FGD5: variants seen among roughly 807,000 people sequenced by gnomAD.
FGD5 encodes the protein FYVE, RhoGEF and PH domain containing 5.
A neutral mutation model predicts 133.4 loss-of-function variants in FGD5; 28 were observed. The ratio of observed to expected loss-of-function variants is 0.21; its 90% CI spans 0.16 to 0.29. The LOEUF is 0.29. FGD5 is among the 10% of genes least tolerant of loss of function. The pLI, the probability that FGD5 is intolerant of heterozygous loss-of-function variation, is 1.00. For synonymous variants in FGD5, 810 were observed against 776.5 expected (o/e 1.04, Z -0.72); for missense variants, 1,858 against 1,895.2 (o/e 0.98, Z 0.36).
chr3:14,866,494 C>A (rs1051773035), intron 2 of FGD5, among the ~76,000 whole-genome samples: 3 of 152,216 alleles, frequency 2.0e-5, no homozygotes, highest in African/African-American at 7.2e-5. Flanking sequence ...AGAGGTAGAG[C>A]AGCCTAGGGA....
chr3:14,924,239 C>A, intron 17 of FGD5, 101 bp downstream of exon 17: 1 of 1,550,378 alleles, frequency 6.5e-7, no homozygotes, highest in Non-Finnish European at 8.8e-7. Flanking sequence ...CCAGCCTGAC[C>A]AGTCTCTTCC....
At chr3:14,865,506 C>T (rs1026896476) in intron 2 of FGD5, among the ~76,000 whole-genome samples, 1 of 152,126 alleles carries the variant, frequency 6.6e-6, no homozygotes, top group Non-Finnish European at 1.5e-5. Flanking sequence ...CCCCTCAGTC[C>T]CTTCTCTCTC....
intron 2 of FGD5, among the ~76,000 whole-genome samples, chr3:14,868,223 AC>A (rs2125107734): frequency 6.6e-6 from 1 of 152,154 alleles, no homozygotes; most frequent in South Asian, 2.1e-4. Context: ...CAGGCTAAAT[AC>A]CAGCTCCCCC....
At chr3:14,889,083 A>C (rs1226167770) in intron 4 of FGD5, among the ~76,000 whole-genome samples, 2 of 152,204 alleles carry the variant, frequency 1.3e-5, no homozygotes, top group Non-Finnish European at 2.9e-5. Context: ...CTGCAGGGAC[A>C]TGGTCACCAG....
At chr3:14,865,655 A>G (rs2037480016) in intron 2 of FGD5, among the ~76,000 whole-genome samples, 1 of 152,144 alleles carries the variant, frequency 6.6e-6, no homozygotes, top group African/African-American at 2.4e-5. Flanking sequence ...ACTCCTTACA[A>G]CAACTTCAAA....
rs1216706042 is a variant in FGD5 at position 14,819,656 on chromosome 3, C to T, written c.585C>T (p.Leu195=). Residue 195 remains leucine (L), a synonymous_variant, in exon 1 of 20, where the codon CTC becomes CTT. Coordinates refer to ENST00000285046, the MANE Select transcript of FGD5 (RefSeq NM_152536.4). This position sits in a 1 kb window ranked among gnomAD's most constrained non-coding sequence, Gnocchi z 4.1. ...AGGGGGTCTTCCAGAGCGACCTCCTCCTGCCTCACATCCATGGAGAGGACC... is the reference window on the plus strand; with the variant it reads ...AGGGGGTCTTCCAGAGCGACCTCCTTCTGCCTCACATCCATGGAGAGGACC... The part of the protein sequence containing the change: ...AGEGVFQSDL[L]LPHIHGEDQE... 7.1e-6 allele frequency: 11 copies of T among 1,548,848 alleles called. No homozygotes were observed. The highest frequency in any genetic ancestry group is 8.7e-6 in the Non-Finnish European group (10 of 1,145,612).
chr3:14,907,774 T>G (rs755882329), intron 10 of FGD5, 63 bp downstream of exon 10: 5 of 1,531,586 alleles, frequency 3.3e-6, no homozygotes, highest in Non-Finnish European at 4.5e-6. Flanking sequence ...TAAGCCCCAT[T>G]GTTCACTGGG....
intron 9 of FGD5, among the ~76,000 whole-genome samples, chr3:14,904,771 C>G (rs2038307692): frequency 6.6e-6 from 1 of 152,136 alleles, no homozygotes; most frequent in South Asian, 2.1e-4. Flanking sequence ...TGCATATACC[C>G]ATATCTGTAG....
chr3:14,829,199 C>T (rs1001072418), intron 1 of FGD5, among the ~76,000 whole-genome samples: 1 of 152,106 alleles, frequency 6.6e-6, no homozygotes, highest in Non-Finnish European at 1.5e-5. Flanking sequence ...GAGTGTTCAG[C>T]TGGAGCTTAG....
rs528992963 is a variant in FGD5 at position 14,917,953 on chromosome 3, C to A, written c.3489+621C>A. Among the ~76,000 whole-genome samples, 1 of 152,328 alleles carries A rather than the reference C, an allele frequency of 6.6e-6. No individual in the cohort carries two copies. Among genetic ancestry groups the A allele is most frequent in the East Asian group, 1.9e-4 (1 of 5,188 alleles). On this transcript the variant is annotated intron_variant, in intron 12 of 19. Coordinates refer to ENST00000285046, the MANE Select transcript of FGD5 (RefSeq NM_152536.4). The surrounding 1 kb of genome is among the most constrained non-coding windows in gnomAD (Gnocchi z 4.1). ...ATCCTTGTTTCACTTAGCACAGTGT[C>A]CTCAAGGTTGATCCCTGTCATCTGT...
At chr3:14,894,143 G>C (rs2125129535) in intron 4 of FGD5, among the ~76,000 whole-genome samples, 1 of 152,236 alleles carries the variant, frequency 6.6e-6, no homozygotes, top group Non-Finnish European at 1.5e-5. Flanking sequence ...GTAACCACCA[G>C]CCTACTTTCT....
At chr3:14,916,718 TG>T (rs1359638857) in intron 11 of FGD5, among the ~76,000 whole-genome samples, 2 of 152,226 alleles carry the variant, frequency 1.3e-5, no homozygotes, top group Admixed American at 1.3e-4. Context: ...CTCCCAACCC[TG>T]GGGGCCCCCA....
intron 1 of FGD5, among the ~76,000 whole-genome samples, chr3:14,859,144 C>T (rs2037345634): frequency 6.6e-6 from 1 of 152,136 alleles, no homozygotes; most frequent in South Asian, 2.1e-4. Context: ...AAATCATAAT[C>T]CTATACATTT....
At chr3:14,902,014 G>A (rs2125135931) in intron 9 of FGD5, among the ~76,000 whole-genome samples, 1 of 152,304 alleles carries the variant, frequency 6.6e-6, no homozygotes, top group East Asian at 1.9e-4. Context: ...AGGTGTGGTG[G>A]CTCACGCCTG....
chr3:14,894,119 C>A (rs771718568), intron 4 of FGD5, among the ~76,000 whole-genome samples: 1 of 152,132 alleles, frequency 6.6e-6, no homozygotes, highest in Admixed American at 6.5e-5. Flanking sequence ...ATTGCCACCC[C>A]CTTCCCACCT....
chr3:14,922,238 T>TCA lies in FGD5; in HGVS notation c.3670-172_3670-171insAC. On this transcript the variant is annotated intron_variant, in intron 14 of 19. Transcript: ENST00000285046. This position sits in a 1 kb window ranked among gnomAD's most constrained non-coding sequence, Gnocchi z 4.1. ...GTCTTGTTCTCACAGTCTGGCTGTT[T>TCA]CCCAACCAAGGGTGAGCATCCTGGA... is the stretch of plus-strand genomic sequence containing the variant. The TCA allele has an allele frequency of 1.8e-6, 2 of 1,107,490 alleles. No individual in the cohort carries two copies. The highest frequency in any genetic ancestry group is 3.1e-5 in the African/African-American group (2 of 64,360). The allele number at this position is 1,107,490 out of a possible 1,614,324, so 68.6% of individuals were successfully genotyped here.
At chr3:14,908,837 G>T (rs957013236) in intron 10 of FGD5, among the ~76,000 whole-genome samples, 4 of 151,450 alleles carry the variant, frequency 2.6e-5, no homozygotes, top group African/African-American at 9.7e-5. Context: ...CCGAGATCGC[G>T]CCATTGCACT....
intron 18 of FGD5, among the ~76,000 whole-genome samples, chr3:14,928,887 A>T (rs183830898): frequency 1.3e-5 from 2 of 152,316 alleles, no homozygotes; most frequent in East Asian, 1.9e-4. Flanking sequence ...TTCAAAATAT[A>T]CTTAACCCTA....
chr3:14,900,203 C>T (rs1054838349), intron 7 of FGD5, among the ~76,000 whole-genome samples, 200 bp from the exon 8 acceptor site: 5 of 152,202 alleles, frequency 3.3e-5, no homozygotes, highest in African/African-American at 1.2e-4. Context: ...AAGTGAGGGA[C>T]AAGCAGCTGT....
Sources: allele counts gnomAD v4.1 joint callset (sites outside exome capture counted in the v4.1 genomes callset), GRCh38; gene constraint gnomAD v4.1.1; non-coding constraint Gnocchi (gnomAD v3.1); transcripts MANE v1.5; gene names NCBI Gene and HGNC (gene_info 2026-07-23, HGNC 2026-07-21).